The following DDX52 variants were observed in gnomAD, a reference collection of about 807,000 sequenced individuals.
DDX52 encodes DExD-box helicase 52, also known as probable ATP-dependent RNA helicase DDX52.
In DDX52, 59 loss-of-function variants were observed where a neutral mutation model predicts 76.1. That is an observed-to-expected ratio of 0.78 (90% CI 0.63 to 0.96). The LOEUF (loss-of-function observed/expected upper bound fraction) is 0.96, where lower values mean the gene tolerates loss of function less well. Among genes scored for constraint, DDX52 ranks in the 40% least tolerant of loss-of-function variants. The probability of loss-of-function intolerance (pLI) is 0.00; values close to 1 mark genes in which losing one functional copy is unlikely to be tolerated. For synonymous variants in DDX52, 231 were observed against 244.1 expected (o/e 0.95, Z 0.50); for missense variants, 707 against 703.9 (o/e 1.00, Z -0.05).
At chr17:37,617,374 G>A (rs1436678254) in intron 14 of DDX52, among the ~76,000 whole-genome samples, 2 of 152,200 alleles carry the variant, frequency 1.3e-5, no homozygotes, top group Non-Finnish European at 2.9e-5. Flanking sequence ...CCTGGTTCTG[G>A]TAGAATGTGA....
At position 37,609,943 on chromosome 17, in the gene DDX52, A is replaced by G. The variant is rs2064276362; in HGVS notation, c.*4353T>C. The G allele has an allele frequency of 6.6e-6, 1 of 152,180 alleles. No individual in the cohort carries two copies. The highest frequency in any genetic ancestry group is 2.4e-5 in the African/African-American group (1 of 41,416). 9.4% of individuals were successfully genotyped at this position (152,180 alleles called of 1,614,324 possible). ...ATTTAAATTTTATTTTAAATCAACC[A>G]AGAGCCCAAAAACCCAACCCATATT... On this transcript the variant is annotated 3_prime_UTR_variant, in exon 15 of 15. Coordinates refer to ENST00000617633, the MANE Select transcript of DDX52 (RefSeq NM_007010.5).
At chr17:37,628,332 T>G (rs2030493288) in intron 6 of DDX52, among the ~76,000 whole-genome samples, 2 of 152,168 alleles carry the variant, frequency 1.3e-5, no homozygotes, top group African/African-American at 4.8e-5. Flanking sequence ...TTGCCAAATG[T>G]CCCTGTGGTG....
intron 14 of DDX52, among the ~76,000 whole-genome samples, chr17:37,617,927 A>G (rs577702866): frequency 5.9e-5 from 9 of 152,070 alleles, no homozygotes; most frequent in Non-Finnish European, 1.3e-4. Flanking sequence ...CCTGGCCAAC[A>G]TGGTGAAACT....
chr17:37,642,546 G>C (rs1216384810), intron 1 of DDX52, among the ~76,000 whole-genome samples: 1 of 152,148 alleles, frequency 6.6e-6, no homozygotes, highest in African/African-American at 2.4e-5. Flanking sequence ...TTCTAAGCAT[G>C]TTTATACATA....
chr17:37,631,799 G>C, intron 4 of DDX52: 2 of 356,364 alleles, frequency 5.6e-6, no homozygotes, highest in Non-Finnish European at 1.0e-5. Flanking sequence ...AAATGAAAAA[G>C]ATAAATATGA....
At chr17:37,638,870 A>G (rs1256193571) in intron 2 of DDX52, among the ~76,000 whole-genome samples, 1 of 151,418 alleles carries the variant, frequency 6.6e-6, no homozygotes, top group African/African-American at 2.4e-5. Context: ...CCTGGGTTCA[A>G]GCGATTTTCC....
chr17:37,626,894 A>G (rs1482044435), intron 6 of DDX52, 34 bp from the exon 7 acceptor site: 1 of 1,575,072 alleles, frequency 6.3e-7, no homozygotes, highest in Non-Finnish European at 8.7e-7. Context: ...AATTGCAAAA[A>G]CAGGATTTAT....
At chr17:37,620,817 TA>T (rs535363017) in intron 12 of DDX52, 55 bp downstream of exon 12, 58 of 1,479,124 alleles carry the variant, frequency 3.9e-5, no homozygotes, top group Non-Finnish European at 5.0e-5. Flanking sequence ...TGAATATACA[TA>T]TAAGAATAAT....
Position 37,632,261 on chromosome 17 carries a change from T to C in DDX52, c.455A>G (p.Gln152Arg). 6.2e-7 allele frequency: 1 copy of C among 1,614,064 alleles called. No homozygotes were observed. The highest frequency in any genetic ancestry group is 8.5e-7 in the Non-Finnish European group (1 of 1,180,006). Residue 152 changes from glutamine (Q) to arginine (R), a missense_variant, in exon 4 of 15, where the codon CAA becomes CGA. Transcript: ENST00000617633. ...AATTGGGTCAGGAAGATCGGTTCCT[T>C]GGACGTGAATTTTGTGTTTATTCCG... ...FLRNKHKIHV[Q>R]GTDLPDPIAT... is the part of the protein sequence containing the mutation.
chr17:37,611,248 T>C lies in DDX52; in HGVS notation c.*3048A>G, dbSNP rs2064352201. 1 of 152,214 alleles carries C rather than the reference T, an allele frequency of 6.6e-6. No individual in the cohort carries two copies. The allele number at this position is 152,214 out of a possible 1,614,324, so 9.4% of individuals were successfully genotyped here. On this transcript the variant is annotated 3_prime_UTR_variant, in exon 15 of 15. Coordinates refer to ENST00000617633, the MANE Select transcript of DDX52 (RefSeq NM_007010.5). Reference sequence around the variant, plus strand: ...ACAGACAGCAGATACAATGGTGGGATGAGAAGTGGGGGTGGAAGACAGTGA... The same window carrying C: ...ACAGACAGCAGATACAATGGTGGGACGAGAAGTGGGGGTGGAAGACAGTGA...
In DDX52 at chr17:37,611,503, G is replaced by A. The variant is rs12939622; in HGVS notation, c.*2793C>T. On this transcript the variant is annotated 3_prime_UTR_variant, in exon 15 of 15. Transcript: ENST00000617633. ...AGAATCAAAAAAGTTTATAAAGGCC[G>A]GATATAGTGGCTCACTCCAGGTCAG... 0.42 allele frequency: 63,771 copies of A among 151,832 alleles called. 13,720 individuals carry two copies. The highest frequency in any genetic ancestry group is 0.67 in the East Asian group (3,437 of 5,164). The allele number at this position is 151,832 out of a possible 1,614,324, so 9.4% of individuals were successfully genotyped here.
At chr17:37,614,590 C>T (rs992805617) in intron 14 of DDX52, among the ~76,000 whole-genome samples, 9 of 152,202 alleles carry the variant, frequency 5.9e-5, no homozygotes, top group Admixed American at 3.3e-4. Flanking sequence ...CACATAGGTT[C>T]GGATCCTGAC....
chr17:37,631,898 G>C (rs2030697875), intron 4 of DDX52: 1 of 593,506 alleles, frequency 1.7e-6, no homozygotes, highest in Non-Finnish European at 2.9e-6. Context: ...TGCAGTGTGG[G>C]GGAAAGGGTA....
intron 7 of DDX52, 59 bp from the exon 8 acceptor site, chr17:37,626,157 A>G (rs571950577): frequency 1.9e-6 from 3 of 1,578,786 alleles, no homozygotes; most frequent in Non-Finnish European, 1.7e-6. Context: ...ACACTTCACT[A>G]AACTGTGGGG....
intron 1 of DDX52, 136 bp downstream of exon 1, chr17:37,643,198 G>C: frequency 2.4e-6 from 2 of 841,144 alleles, no homozygotes; most frequent in Non-Finnish European, 3.6e-6. Flanking sequence ...GAACACAAAA[G>C]GAAGCAAAAT....
chr17:37,618,038 C>T (rs527288296), intron 14 of DDX52, among the ~76,000 whole-genome samples: 4 of 152,254 alleles, frequency 2.6e-5, no homozygotes, highest in African/African-American at 9.6e-5. Flanking sequence ...TGGCTTGAAC[C>T]CGGGAGGCAG....
rs368895011 is a variant in DDX52, at chr17:37,632,286, G to T, written c.430C>A (p.Arg144=). ...TGGACGTGAATTTTGTGTTTATTCC[G>T]CAAGAAGTTTATCTGAAAAGTGAAG... ...NLRKEKINFL[R]NKHKIHVQGT... The change falls in exon 4 of 15, where the codon CGG becomes AGG. Residue 144 remains arginine (R), a synonymous_variant. Coordinates refer to ENST00000617633, the MANE Select transcript of DDX52 (RefSeq NM_007010.5). 1 of 1,613,914 alleles carries T rather than the reference G, an allele frequency of 6.2e-7. No individual in the cohort carries two copies. Among genetic ancestry groups the T allele is most frequent in the South Asian group, 1.1e-5 (1 of 91,072 alleles).
Position 37,620,896 on chromosome 17 carries a change from C to T in DDX52, c.1554G>A (p.Glu518=). Residue 518 remains glutamate (E), a synonymous_variant, in exon 12 of 15, where the codon GAG becomes GAA. Coordinates refer to ENST00000617633, the MANE Select transcript of DDX52 (RefSeq NM_007010.5). The stretch of plus-strand genomic sequence containing the variant: ...ACCTTCTTAATAATGGCTTATCATC[C>T]TCAGTGAAAAATGTAATTGCTTTTC... ...NKGKAITFFT[E]DDKPLLRSVA... 1.9e-6 allele frequency: 3 copies of T among 1,592,882 alleles called. No homozygotes were observed. The highest frequency in any genetic ancestry group is 2.6e-6 in the Non-Finnish European group (3 of 1,174,556).
In DDX52 at chr17:37,632,316, G is replaced by A; in HGVS notation, c.418-18C>T. The A allele has an allele frequency of 6.2e-7, 1 of 1,613,808 alleles. No homozygotes were observed. Among genetic ancestry groups the A allele is most frequent in the Non-Finnish European group, 8.5e-7 (1 of 1,179,808 alleles). On this transcript the variant is annotated intron_variant, in intron 3 of 14. Coordinates refer to ENST00000617633, the MANE Select transcript of DDX52 (RefSeq NM_007010.5). ...AAGTTTATCTGAAAAGTGAAGTAAA[G>A]AGGCCACCATGGATATGGCCAAATA...
Sources: allele counts gnomAD v4.1 joint callset (sites outside exome capture counted in the v4.1 genomes callset), GRCh38; gene constraint gnomAD v4.1.1; transcripts MANE v1.5; gene names NCBI Gene and HGNC (gene_info 2026-07-23, HGNC 2026-07-21).